MCM5: variants seen among roughly 807,000 people sequenced by gnomAD.
MCM5 encodes the protein DNA replication licensing factor MCM5.
MCM5 carries 46 observed loss-of-function variants against 79.9 expected under a neutral mutation model. That is an observed-to-expected ratio of 0.58 (90% confidence interval 0.45 to 0.74). The LOEUF is 0.74. Among genes scored for constraint, MCM5 ranks in the 30% least tolerant of loss-of-function variants. The probability of loss-of-function intolerance (pLI) is 0.00; values close to 1 mark genes in which losing one functional copy is unlikely to be tolerated. For missense variants in MCM5, 883 were observed against 1,017.0 expected, an observed-to-expected ratio of 0.87 and a Z score of 1.79; for synonymous variants, 404 against 390.5, an observed-to-expected ratio of 1.03 and a Z score of -0.41.
At chr22:35,444,772 G>A in the MCM5 span, among the ~76,000 whole-genome samples, 2 of 152,206 alleles carry the variant, frequency 1.3e-5, no homozygotes, top group Non-Finnish European at 1.5e-5. Context: ...CCACTGCTTT[G>A]GGAGGCGGAG....
Position 35,421,426 on chromosome 22 carries a change from C to T in MCM5, c.1941C>T (p.Ser647=). Residue 647 remains serine, a synonymous_variant, in exon 15 of 17, where the codon TCC becomes TCT. Coordinates refer to ENST00000216122, the MANE Select transcript of MCM5 (RefSeq NM_006739.4). ...AGGCCCTGCGGCTCTTCCAAGTGTCCACGTTGGATGCTGCCTTGTCCGGTA... is the reference window on the plus strand; with the variant it reads ...AGGCCCTGCGGCTCTTCCAAGTGTCTACGTTGGATGCTGCCTTGTCCGGTA... ...VEEALRLFQV[S]TLDAALSGTL... 6.2e-7 allele frequency: 1 copy of T among 1,614,174 alleles called. No homozygotes were observed. The highest frequency in any genetic ancestry group is 8.5e-7 in the Non-Finnish European group (1 of 1,180,032).
the MCM5 span, among the ~76,000 whole-genome samples, chr22:35,430,532 G>T: frequency 1.7e-3 from 242 of 140,948 alleles, no homozygotes; most frequent in African/African-American, 6.1e-3. Context: ...ATGGAGTCTC[G>T]CTCTGTCGCC....
rs1227635480 is a variant in MCM5 at position 35,415,990 on chromosome 22, G to T, written c.1347+18G>T. On this transcript the variant is annotated intron_variant, in intron 10 of 16. Transcript: ENST00000216122. ...TTGACAAGGTGAGTCTGATGAGGTGGGTAGTAGCCAAAAGGTGGGTGGCAC... is the reference window on the plus strand; with the variant it reads ...TTGACAAGGTGAGTCTGATGAGGTGTGTAGTAGCCAAAAGGTGGGTGGCAC... 4.8e-5 allele frequency: 77 copies of T among 1,603,402 alleles called. No homozygotes were observed. The highest frequency in any genetic ancestry group is 6.1e-5 in the Non-Finnish European group (71 of 1,171,026).
chr22:35,433,641 G>A, the MCM5 span, among the ~76,000 whole-genome samples: 10 of 152,186 alleles, frequency 6.6e-5, no homozygotes, highest in Non-Finnish European at 1.5e-4. Flanking sequence ...CCACTCTGTC[G>A]TCCTGCCCCT....
the MCM5 span, among the ~76,000 whole-genome samples, chr22:35,452,721 C>T: frequency 5.3e-5 from 8 of 152,122 alleles, no homozygotes; most frequent in African/African-American, 9.7e-5. Context: ...ATAATCAGTC[C>T]GACTCCTCCG....
intron 4 of MCM5, among the ~76,000 whole-genome samples, chr22:35,405,457 C>T (rs1208940723): frequency 2.6e-5 from 4 of 152,072 alleles, no homozygotes; most frequent in Non-Finnish European, 5.9e-5. Context: ...ACCCCTGCTT[C>T]CCCGGTTCAA....
At chr22:35,435,476 C>T in the MCM5 span, among the ~76,000 whole-genome samples, 2 of 152,196 alleles carry the variant, frequency 1.3e-5, no homozygotes, top group African/African-American at 4.8e-5. Context: ...GTGGTGGCCA[C>T]CGGGCCTTTC....
At chr22:35,400,286 G>A (rs1315155750) in intron 1 of MCM5, 78 bp downstream of exon 1, 7 of 802,390 alleles carry the variant, frequency 8.7e-6, no homozygotes, top group African/African-American at 1.7e-5. Flanking sequence ...AGTGGGACAG[G>A]AGTTTCTCGG....
At chr22:35,439,007 C>CTACCCACATATT in the MCM5 span, among the ~76,000 whole-genome samples, 2 of 150,806 alleles carry the variant, frequency 1.3e-5, no homozygotes, top group African/African-American at 4.9e-5. Context: ...ATCCATCCAT[C>CTACCCACATATT]CATCCATCCA....
At chr22:35,414,062 G>C (rs1932467604) in intron 9 of MCM5, 76 bp downstream of exon 9, 1 of 887,884 alleles carries the variant, frequency 1.1e-6, no homozygotes, top group Non-Finnish European at 1.9e-6. Flanking sequence ...TGGGTCCTCA[G>C]GACACCTGTG....
intron 7 of MCM5, 75 bp downstream of exon 7, chr22:35,410,985 G>A (rs555037086): frequency 6.7e-5 from 94 of 1,395,244 alleles, no homozygotes; most frequent in Admixed American, 2.4e-4. Context: ...CAGGCAGCTC[G>A]TTACTTCATG....
At chr22:35,452,145 GC>G in the MCM5 span, among the ~76,000 whole-genome samples, 2 of 152,298 alleles carry the variant, frequency 1.3e-5, no homozygotes, top group South Asian at 2.1e-4. Flanking sequence ...CCTGCAGGGG[GC>G]TTGGGCATCA....
At chr22:35,425,776 G>A (rs1029016332), downstream of MCM5, among the ~76,000 whole-genome samples, 1 of 151,856 alleles carries the variant, frequency 6.6e-6, no homozygotes, top group Non-Finnish European at 1.5e-5. Context: ...TTCATGGAGT[G>A]TGGAACTCTC....
At chr22:35,413,070 TCTCA>T (rs1932433899) in intron 8 of MCM5, among the ~76,000 whole-genome samples, 1 of 151,736 alleles carries the variant, frequency 6.6e-6, no homozygotes, top group Non-Finnish European at 1.5e-5. Context: ...TTTGAGACAG[TCTCA>T]CTCTGTTGCC....
chr22:35,431,136 G>T, the MCM5 span, among the ~76,000 whole-genome samples: 2 of 152,226 alleles, frequency 1.3e-5, no homozygotes, highest in Non-Finnish European at 2.9e-5. Flanking sequence ...AGACTCAGCA[G>T]CCCAGACGCT....
the MCM5 span, among the ~76,000 whole-genome samples, chr22:35,446,752 G>A: frequency 6.6e-6 from 1 of 152,114 alleles, no homozygotes; most frequent in Admixed American, 6.5e-5. Context: ...TGGACTCACC[G>A]CACCCCCTCA....
chr22:35,431,622 A>G, the MCM5 span, among the ~76,000 whole-genome samples: 3 of 152,000 alleles, frequency 2.0e-5, no homozygotes, highest in Admixed American at 6.5e-5. Flanking sequence ...TTAGAATTAG[A>G]TGGGATTTCT....
At chr22:35,408,086 G>T (rs1301200231) in intron 5 of MCM5, among the ~76,000 whole-genome samples, 1 of 152,214 alleles carries the variant, frequency 6.6e-6, no homozygotes, top group African/African-American at 2.4e-5. Flanking sequence ...TAAGAGAATT[G>T]ATGAACTAGC....
In MCM5 at chr22:35,421,328, G is replaced by A; in HGVS notation, c.1843G>A (p.Ala615Thr). ...SIPITVRQLE[A>T]IVRIAEALSK... ...CTGTTGCCCCCACAGGCAGCTGGAG[G>A]CCATTGTGCGCATCGCGGAAGCCCT... Residue 615 changes from alanine to threonine, a missense_variant, in exon 15 of 17, where the codon GCC becomes ACC. Ala to Thr is a moderately conservative substitution (Grantham distance 58). Transcript: ENST00000216122. The A allele has an allele frequency of 1.9e-6, 3 of 1,612,836 alleles. No individual in the cohort carries two copies. Among genetic ancestry groups the A allele is most frequent in the Non-Finnish European group, 2.5e-6 (3 of 1,179,570 alleles).
Sources: allele counts gnomAD v4.1 joint callset (sites outside exome capture counted in the v4.1 genomes callset), GRCh38; gene constraint gnomAD v4.1.1; transcripts MANE v1.5; gene names NCBI Gene and HGNC (gene_info 2026-07-23, HGNC 2026-07-21).